SGSM3: variants seen among roughly 807,000 people sequenced by gnomAD.
SGSM3 encodes the protein small G protein signaling modulator 3, also known as RUN and SH3 containing 3.
A neutral mutation model predicts 100.5 loss-of-function variants in SGSM3; 96 were observed. The observed-to-expected ratio is 0.96, with a 90% CI of 0.81 to 1.13. The LOEUF is 1.13. Ranked by LOEUF, SGSM3 falls within the 50% of genes most tolerant of loss-of-function variation. The pLI, the probability that SGSM3 is intolerant of heterozygous loss-of-function variation, is 0.00. For missense variants in SGSM3, 1,001 were observed against 1,015.8 expected, an observed-to-expected ratio of 0.99 and a Z score of 0.20; for synonymous variants, 483 against 422.8, an observed-to-expected ratio of 1.14 and a Z score of -1.75.
chr22:40,402,672 G>GAGGTTGC (rs1319029771), intron 4 of SGSM3, among the ~76,000 whole-genome samples: 6 of 152,338 alleles, frequency 3.9e-5, no homozygotes, highest in African/African-American at 1.4e-4. Flanking sequence ...CCAGGAGGTG[G>GAGGTTGC]AGGTTGCAGT....
intron 1 of SGSM3, among the ~76,000 whole-genome samples, chr22:40,399,938 G>A (rs1028856136): frequency 6.6e-6 from 1 of 152,224 alleles, no homozygotes; most frequent in Non-Finnish European, 1.5e-5. Flanking sequence ...CAGAGGCCGG[G>A]ACACAGCTGA....
Position 40,407,684 on chromosome 22 carries a change from AG to A in SGSM3, c.1525-101del. ...CCAAGAGCTTCTCTTGTGAAGATGT[AG>A]GGGTCTTGGCCTGGCCTAGTTGCTG... On this transcript the variant is annotated intron_variant, in intron 13 of 21. Coordinates refer to ENST00000248929, the MANE Select transcript of SGSM3 (RefSeq NM_015705.6). The surrounding 1 kb of genome is among the most constrained non-coding windows in gnomAD (Gnocchi z 4.7). 1 of 1,581,118 alleles carries A rather than the reference AG, an allele frequency of 6.3e-7. No individual in the cohort carries two copies. The highest frequency in any genetic ancestry group is 8.7e-7 in the Non-Finnish European group (1 of 1,153,056).
At chr22:40,408,251 T>C (rs1451491242) in intron 15 of SGSM3, 26 bp from the exon 16 acceptor site, 1 of 1,611,456 alleles carries the variant, frequency 6.2e-7, no homozygotes, top group East Asian at 2.2e-5. Context: ...CAGGCAGGGC[T>C]TTCTCAGACC....
intron 1 of SGSM3, among the ~76,000 whole-genome samples, chr22:40,384,504 G>A (rs1239264103): frequency 6.6e-6 from 1 of 152,196 alleles, no homozygotes; most frequent in East Asian, 1.9e-4. Flanking sequence ...ATATTGGCCA[G>A]GTGCGGTGGC....
chr22:40,404,175 C>T (rs191379550), intron 4 of SGSM3, 72 bp from the exon 5 acceptor site: 470 of 1,300,454 alleles, frequency 3.6e-4, no homozygotes, highest in Middle Eastern at 3.5e-3. Flanking sequence ...CTCCTGAAGA[C>T]GGAGGCTTGG....
chr22:40,395,827 A>T (rs927397062), intron 1 of SGSM3, among the ~76,000 whole-genome samples: 2 of 152,168 alleles, frequency 1.3e-5, no homozygotes, highest in African/African-American at 4.8e-5. Flanking sequence ...TGTGTCTTGA[A>T]TCTGTTGCTT....
intron 10 of SGSM3, 78 bp downstream of exon 10, chr22:40,406,740 G>T: frequency 7.8e-7 from 1 of 1,277,756 alleles, no homozygotes; most frequent in East Asian, 2.5e-5. Flanking sequence ...AGAGCGCGGG[G>T]GCTGCGGAAA....
At chr22:40,371,477 G>A (rs552414489) in intron 1 of SGSM3, among the ~76,000 whole-genome samples, 1 of 152,108 alleles carries the variant, frequency 6.6e-6, no homozygotes, top group African/African-American at 2.4e-5. Flanking sequence ...GTAAATTCAA[G>A]TCAAATCAGA....
At chr22:40,405,486 T>C (rs1286220880) in intron 7 of SGSM3, among the ~76,000 whole-genome samples, 163 bp from the exon 8 acceptor site, 6 of 152,088 alleles carry the variant, frequency 3.9e-5, no homozygotes, top group Non-Finnish European at 2.9e-5. Context: ...CCAAGGGATG[T>C]GAAAGTGAGG....
In SGSM3 at chr22:40,409,034, G is replaced by C. The variant is rs1205002881; in HGVS notation, c.1988+16G>C. 1 of 1,557,366 alleles carries C rather than the reference G, an allele frequency of 6.4e-7. No individual in the cohort carries two copies. Among genetic ancestry groups the C allele is most frequent in the East Asian group, 2.4e-5 (1 of 41,230 alleles). Reference sequence around the variant, plus strand: ...TGGGGCTCAAGTGAGTGTGGAAAAGGGGTTGGAGGAGAGCCCTGGAGTGGG... The same window carrying C: ...TGGGGCTCAAGTGAGTGTGGAAAAGCGGTTGGAGGAGAGCCCTGGAGTGGG... On this transcript the variant is annotated intron_variant, in intron 19 of 21. Transcript: ENST00000248929.
At chr22:40,385,680 A>T (rs563355758) in intron 1 of SGSM3, among the ~76,000 whole-genome samples, 1 of 152,286 alleles carries the variant, frequency 6.6e-6, no homozygotes, top group Non-Finnish European at 1.5e-5. Flanking sequence ...AGCAGAGAGT[A>T]GTTGGGTTTC....
Position 40,407,269 on chromosome 22 carries a change from G to A in SGSM3, c.1309G>A (p.Glu437Lys). ...KQTELVADLR[E>K]AILRVARHFQ... is the part of the protein sequence containing the mutation. ...GACGGAACTGGTGGCTGACCTCCGG[G>A]AAGCCATCCTGCGCGTGGCACGCCA... The change falls in exon 12 of 22, where the codon GAA (glutamate) becomes AAA (lysine). Residue 437 changes from glutamate to lysine, a missense_variant. Physicochemically the swap from Glu to Lys is moderately conservative, Grantham distance 56. Transcript: ENST00000248929. This position sits in a 1 kb window ranked among gnomAD's most constrained non-coding sequence, Gnocchi z 4.7. 2 of 1,613,608 alleles carry A rather than the reference G, an allele frequency of 1.2e-6. No individual in the cohort carries two copies. Among genetic ancestry groups the A allele is most frequent in the Non-Finnish European group, 1.7e-6 (2 of 1,180,022 alleles).
intron 1 of SGSM3, among the ~76,000 whole-genome samples, chr22:40,380,700 C>A (rs1253812308): frequency 2.0e-5 from 3 of 152,092 alleles, no homozygotes; most frequent in African/African-American, 7.2e-5. Context: ...CTTTGGGAGG[C>A]CAAGGTAGGA....
chr22:40,408,721 G>A lies in SGSM3; in HGVS notation c.1853+24G>A. The A allele has an allele frequency of 3.1e-6, 5 of 1,613,938 alleles. No individual in the cohort carries two copies. The African/African-American group carries it at 4.0e-5, about 13-fold the overall frequency. On this transcript the variant is annotated intron_variant, in intron 17 of 21. Coordinates refer to ENST00000248929, the MANE Select transcript of SGSM3 (RefSeq NM_015705.6). ...AGGTAACTCGGCCCGGGTTCTTCTGGTGGGGTCACCAGCAGTGGGAGGGCG... is the reference window on the plus strand; with the variant it reads ...AGGTAACTCGGCCCGGGTTCTTCTGATGGGGTCACCAGCAGTGGGAGGGCG...
chr22:40,397,078 A>T (rs532020512), intron 1 of SGSM3, among the ~76,000 whole-genome samples: 1 of 152,204 alleles, frequency 6.6e-6, no homozygotes, highest in East Asian at 1.9e-4. Context: ...GTTCCTGCCA[A>T]CTCCCAGATG....
intron 1 of SGSM3, among the ~76,000 whole-genome samples, chr22:40,371,742 G>T (rs1038097317): frequency 2.0e-5 from 3 of 151,838 alleles, no homozygotes; most frequent in Admixed American, 6.6e-5. Context: ...TCTTGCCCGG[G>T]CTGGAGTGCA....
At chr22:40,371,203 A>C (rs1159733710) in intron 1 of SGSM3, among the ~76,000 whole-genome samples, 1 of 152,360 alleles carries the variant, frequency 6.6e-6, no homozygotes, top group East Asian at 1.9e-4. Context: ...CACGGGGGAA[A>C]CTGAGGCATA....
Position 40,407,751 on chromosome 22 carries a change from A to G in SGSM3, c.1525-38A>G, listed in dbSNP as rs924874467. The G allele has an allele frequency of 6.2e-7, 1 of 1,612,006 alleles. No homozygotes were observed. Among genetic ancestry groups the G allele is most frequent in the Non-Finnish European group, 8.5e-7 (1 of 1,178,224 alleles). ...GGTGCAGGAGGCGCTGGCCCAGGGC[A>G]CCCAGCTTTGGTTCCTGCTGTTTTT... is the stretch of plus-strand genomic sequence containing the variant. On this transcript the variant is annotated intron_variant, in intron 13 of 21. Transcript: ENST00000248929. This position sits in a 1 kb window ranked among gnomAD's most constrained non-coding sequence, Gnocchi z 4.7.
chr22:40,389,470 G>A (rs993663807), intron 1 of SGSM3, among the ~76,000 whole-genome samples: 9 of 151,378 alleles, frequency 5.9e-5, no homozygotes, highest in African/African-American at 2.2e-4. Flanking sequence ...GTGGTGGCGG[G>A]CGCCTGTAGT....
Sources: gnomAD v4.1 joint callset for allele counts (sites outside exome capture counted in the v4.1 genomes callset) on GRCh38, gnomAD v4.1.1 for gene constraint, Gnocchi (gnomAD v3.1) non-coding constraint, MANE v1.5 for transcripts, NCBI Gene and HGNC (gene_info 2026-07-23, HGNC 2026-07-21) for gene names.